The following NCLN variants were observed in gnomAD, a reference collection of about 807,000 sequenced individuals.
The protein encoded by NCLN is BOS complex subunit NCLN.
In NCLN, 34 loss-of-function variants were observed where a neutral mutation model predicts 69.5. The observed-to-expected ratio is 0.49, with a 90% CI of 0.37 to 0.65. The LOEUF (loss-of-function observed/expected upper bound fraction) is 0.65, where lower values mean the gene tolerates loss of function less well. Ranked by LOEUF, NCLN falls within the 30% of genes least tolerant of loss-of-function variation. The pLI, the probability that NCLN is intolerant of heterozygous loss-of-function variation, is 0.00. For missense variants in NCLN, 710 were observed against 804.8 expected, an observed-to-expected ratio of 0.88 and a Z score of 1.42; for synonymous variants, 393 against 358.3, an observed-to-expected ratio of 1.10 and a Z score of -1.09.
rs1224633225 is a variant in NCLN, at chr19:3,204,560, C to A, written c.1030-13C>A. 1 of 1,522,774 alleles carries A rather than the reference C, an allele frequency of 6.6e-7. No individual in the cohort carries two copies. The highest frequency in any genetic ancestry group is 1.3e-5 in the South Asian group (1 of 79,338). 94.3% of individuals were successfully genotyped at this position (1,522,774 alleles called of 1,614,324 possible). Reference sequence around the variant, plus strand: ...CCCCGCCTGCCCTCTGCTAATGGCGCCTCCGGCTGCAGGTGGCCGCGCACC... The same window carrying A: ...CCCCGCCTGCCCTCTGCTAATGGCGACTCCGGCTGCAGGTGGCCGCGCACC... On this transcript the variant is annotated splice_polypyrimidine_tract_variant and intron_variant, in intron 8 of 14. Transcript: ENST00000246117.
At chr19:3,187,922 C>T (rs1248369567) in intron 1 of NCLN, among the ~76,000 whole-genome samples, 3 of 152,154 alleles carry the variant, frequency 2.0e-5, no homozygotes, top group Non-Finnish European at 4.4e-5. Flanking sequence ...GTAGAATCGC[C>T]TCCATCTTTG....
chr19:3,188,727 G>T (rs1217614434), intron 1 of NCLN, among the ~76,000 whole-genome samples: 1 of 152,252 alleles, frequency 6.6e-6, no homozygotes, highest in East Asian at 1.9e-4. Context: ...CATTCGCCCA[G>T]CTGGTCCGTG....
At position 3,208,718 on chromosome 19, in the gene NCLN, C is replaced by G. The variant is rs1916350199; in HGVS notation, c.*1030C>G. 6.6e-6 allele frequency: 1 copy of G among 152,378 alleles called. No homozygotes were observed. The highest frequency in any genetic ancestry group is 2.1e-4 in the South Asian group (1 of 4,830). The allele number at this position is 152,378 out of a possible 1,614,324, so 9.4% of individuals were successfully genotyped here. A position where few individuals can be genotyped will look rare whatever the true frequency, so the allele number is the denominator to read the frequency against. On this transcript the variant is annotated 3_prime_UTR_variant, in exon 15 of 15. Transcript: ENST00000246117. ...CCTCGCTCCTCGCCCTGGGCCTCAG[C>G]TTCCTCATCAATAGAAAGGATGTGT...
At chr19:3,204,171 C>T (rs766814180) in intron 8 of NCLN, 27 bp downstream of exon 8, 44 of 1,492,166 alleles carry the variant, frequency 2.9e-5, no homozygotes, top group Middle Eastern at 3.6e-4. Flanking sequence ...TGGATGGGTC[C>T]GGAGCTCTGC....
intron 1 of NCLN, among the ~76,000 whole-genome samples, chr19:3,191,788 T>G (rs1265787144): frequency 6.6e-6 from 1 of 152,214 alleles, no homozygotes; most frequent in East Asian, 1.9e-4. Flanking sequence ...ATACTCACTC[T>G]CTGGCCTGTT....
rs1418258154 is a variant in NCLN at position 3,189,535 on chromosome 19, TAGAC to T, written c.185-2932_185-2929del. On this transcript the variant is annotated intron_variant, in intron 1 of 14. Transcript: ENST00000246117. ...GGTTGGCCGTCTGGCCCCCGATAGATAGACAGGTGCCCAGGCCACTGTTCAGGTC... is the reference window on the plus strand; with the variant it reads ...GGTTGGCCGTCTGGCCCCCGATAGATAGGTGCCCAGGCCACTGTTCAGGTC... Among the ~76,000 whole-genome samples, 7 of 152,322 alleles carry T rather than the reference TAGAC, an allele frequency of 4.6e-5. No individual in the cohort carries two copies. The East Asian group carries it at 1.3e-3, about 29-fold the overall frequency.
In NCLN at chr19:3,193,435, T is replaced by A. The variant is rs747706612; in HGVS notation, c.520+7T>A. ...TCCGCCTCTGCTGCTGAAGGTGTGCTCTGGGCTGCAGGGACGGGGCCCGTG... is the reference window on the plus strand; with the variant it reads ...TCCGCCTCTGCTGCTGAAGGTGTGCACTGGGCTGCAGGGACGGGGCCCGTG... On this transcript the variant is annotated splice_region_variant and intron_variant, in intron 3 of 14. Coordinates refer to ENST00000246117, the MANE Select transcript of NCLN (RefSeq NM_020170.4). 2 of 1,597,150 alleles carry A rather than the reference T, an allele frequency of 1.3e-6. No homozygotes were observed. The highest frequency in any genetic ancestry group is 1.1e-5 in the South Asian group (1 of 90,336).
In NCLN at chr19:3,206,082, C is replaced by CGGCCCCACCCCT. The variant is rs1444951650; in HGVS notation, c.1297-62_1297-51dup. On this transcript the variant is annotated intron_variant, in intron 10 of 14. Coordinates refer to ENST00000246117, the MANE Select transcript of NCLN (RefSeq NM_020170.4). ...CCAGCCCCAGCCCTGCCCCCGGCCC[C>CGGCCCCACCCCT]GGCCCCACCCCTGGCCCCAGCCCCA... is the stretch of plus-strand genomic sequence containing the variant. 3.8e-6 allele frequency: 6 copies of CGGCCCCACCCCT among 1,589,224 alleles called. No individual in the cohort carries two copies. In the East Asian group the frequency reaches 1.1e-4, roughly 30 times the overall value.
At position 3,193,286 on chromosome 19, in the gene NCLN, A is replaced by G. The variant is rs761219020; in HGVS notation, c.378A>G (p.Gln126=). Residue 126 remains glutamine, a splice_region_variant and synonymous_variant, in exon 3 of 15, where the codon CAA becomes CAG. Coordinates refer to ENST00000246117, the MANE Select transcript of NCLN (RefSeq NM_020170.4). ...CTAAGTGTGTGTCTGCTCCACAGCA[A>G]TTCATGGAGATCGAGCCGGAGATGC... is the stretch of plus-strand genomic sequence containing the variant. ...MAAVPQDVVR[Q]FMEIEPEMLA... The G allele has an allele frequency of 1.2e-5, 19 of 1,610,882 alleles. No homozygotes were observed. The South Asian group carries it at 2.0e-4, about 17-fold the overall frequency.
At position 3,185,991 on chromosome 19, in the gene NCLN, G is replaced by A. The variant is rs373546340; in HGVS notation, c.-40G>A. 514 of 1,455,908 alleles carry A rather than the reference G, an allele frequency of 3.5e-4. 3 individuals are homozygous for A. The highest frequency in any genetic ancestry group is 1.8e-4 in the South Asian group (13 of 73,318). The allele number at this position is 1,455,908 out of a possible 1,614,324, so 90.2% of individuals were successfully genotyped here. ...CGGGAGCCGCCGCCGCCGCCGTCCC[G>A]TCCCAGCTGCCGCCCCGCGCGGCCC... On this transcript the variant is annotated 5_prime_UTR_variant, in exon 1 of 15. Coordinates refer to ENST00000246117, the MANE Select transcript of NCLN (RefSeq NM_020170.4).
At chr19:3,203,583 C>G (rs984233337) in intron 6 of NCLN, among the ~76,000 whole-genome samples, 173 bp from the exon 7 acceptor site, 2 of 152,220 alleles carry the variant, frequency 1.3e-5, no homozygotes, top group African/African-American at 4.8e-5. Flanking sequence ...GAGAACCATC[C>G]AGCCCCAGTG....
chr19:3,190,402 A>T (rs1469452487), intron 1 of NCLN, among the ~76,000 whole-genome samples: 1 of 151,974 alleles, frequency 6.6e-6, no homozygotes, highest in African/African-American at 2.4e-5. Flanking sequence ...TTCCCACCTG[A>T]GACCTGTGTC....
rs868166564 is a variant in NCLN, at chr19:3,187,451, C to T, written c.184+1237C>T. ...CTTGGATTGGTCCCTCTCGTCACAT[C>T]TCAGGCTCAACCTGAGGCGCGGGGA... On this transcript the variant is annotated intron_variant, in intron 1 of 14. Coordinates refer to ENST00000246117, the MANE Select transcript of NCLN (RefSeq NM_020170.4). Among the ~76,000 whole-genome samples, 7 of 152,342 alleles carry T rather than the reference C, an allele frequency of 4.6e-5. No individual in the cohort carries two copies. The South Asian group carries it at 1.4e-3, about 32-fold the overall frequency.
chr19:3,198,488 CAG>C (rs1916031302), intron 4 of NCLN, among the ~76,000 whole-genome samples: 16 of 133,792 alleles, frequency 1.2e-4, no homozygotes, highest in African/African-American at 4.6e-4. Context: ...GCCTGGGCGA[CAG>C]AGTGAGATTC....
chr19:3,195,160 T>G (rs1599352175), intron 3 of NCLN, among the ~76,000 whole-genome samples: 1 of 141,634 alleles, frequency 7.1e-6, no homozygotes, highest in South Asian at 2.4e-4. Context: ...CCAGCCCGGG[T>G]GACAGTACGA....
chr19:3,204,635 G>A lies in NCLN; in HGVS notation c.1092G>A (p.Ala364=), dbSNP rs1044537838. 3.9e-5 allele frequency: 62 copies of A among 1,608,058 alleles called. No individual in the cohort carries two copies. Among genetic ancestry groups the A allele is most frequent in the Non-Finnish European group, 4.3e-5 (51 of 1,177,500 alleles). ...FSMVHKRINL[A]EDVLAWEHER... ...TGGTGCACAAGCGGATCAACCTGGC[G>A]GAGGACGTGCTGGCCTGGGAGCACG... is the stretch of plus-strand genomic sequence containing the variant. The change falls in exon 9 of 15, where the codon GCG becomes GCA. Residue 364 remains alanine (A), a synonymous_variant. Coordinates refer to ENST00000246117, the MANE Select transcript of NCLN (RefSeq NM_020170.4).
intron 3 of NCLN, among the ~76,000 whole-genome samples, chr19:3,194,995 C>G (rs1157859082): frequency 6.6e-6 from 1 of 151,862 alleles, no homozygotes; most frequent in Non-Finnish European, 1.5e-5. Context: ...GGCAATATAG[C>G]AAGACCCTTG....
chr19:3,186,130 G>GCGC lies in NCLN; in HGVS notation c.107_109dup (p.Pro36dup). ...CCTGCCCGCTGTGCTGCTGCTGGTGGCGCCGCCGCTGCCTGCCGCCGACGC... is the reference window on the plus strand; with the variant it reads ...CCTGCCCGCTGTGCTGCTGCTGGTGGCGCCGCCGCCGCTGCCTGCCGCCGACGC... On this transcript the variant is annotated inframe_insertion, in exon 1 of 15. Transcript: ENST00000246117. 6.3e-7 allele frequency: 1 copy of GCGC among 1,596,920 alleles called. No homozygotes were observed. Among genetic ancestry groups the GCGC allele is most frequent in the Non-Finnish European group, 8.5e-7 (1 of 1,174,064 alleles).
intron 1 of NCLN, among the ~76,000 whole-genome samples, chr19:3,189,477 T>C (rs1915754238): frequency 6.6e-6 from 1 of 152,218 alleles, no homozygotes; most frequent in East Asian, 1.9e-4. Flanking sequence ...AGCCCAGTGA[T>C]TGTGCCAGAG....
Sources: allele counts gnomAD v4.1 joint callset (sites outside exome capture counted in the v4.1 genomes callset), GRCh38; gene constraint gnomAD v4.1.1; transcripts MANE v1.5; gene names NCBI Gene and HGNC (gene_info 2026-07-23, HGNC 2026-07-21).